Variants in DCT observed in about 807,000 individuals in gnomAD.
DCT encodes the protein dopachrome tautomerase, also known as L-dopachrome tautomerase.
A neutral mutation model predicts 53.0 loss-of-function variants in DCT; 47 were observed. That is an observed-to-expected ratio of 0.89 (90% CI 0.70 to 1.13). DCT has a LOEUF of 1.13. Among genes scored for constraint, DCT ranks in the 50% most tolerant of loss-of-function variants. The pLI is 0.00. For synonymous variants in DCT, 244 were observed against 237.0 expected (o/e 1.03, Z -0.27); for missense variants, 669 against 637.4 (o/e 1.05, Z -0.53).
At chr13:94,529,719 C>A in the DCT span, among the ~76,000 whole-genome samples, 1 of 152,136 alleles carries the variant, frequency 6.6e-6, no homozygotes, top group Non-Finnish European at 1.5e-5. Context: ...CCTAACATCA[C>A]AATTAAAAGA....
intron 6 of DCT, among the ~76,000 whole-genome samples, chr13:94,453,340 CA>C (rs959952841): frequency 6.6e-6 from 1 of 151,794 alleles, no homozygotes; most frequent in African/African-American, 2.4e-5. Context: ...AAGAAATAAA[CA>C]AAAAAATTGA....
At chr13:94,516,306 A>C in the DCT span, among the ~76,000 whole-genome samples, 1 of 152,280 alleles carries the variant, frequency 6.6e-6, no homozygotes, top group Admixed American at 6.5e-5. Context: ...GGAAAGATAC[A>C]AATCAGGTAG....
intron 6 of DCT, among the ~76,000 whole-genome samples, chr13:94,451,820 T>C (rs565659299): frequency 6.6e-6 from 1 of 152,306 alleles, no homozygotes; most frequent in Non-Finnish European, 1.5e-5. Flanking sequence ...ATTATTAGGT[T>C]TTCCAGGAAA....
chr13:94,481,274 A>G (rs1463665650), upstream of DCT, among the ~76,000 whole-genome samples: 1 of 152,244 alleles, frequency 6.6e-6, no homozygotes, highest in Non-Finnish European at 1.5e-5. Context: ...ACAAAGTCAC[A>G]TTCACAGGTT....
intron 6 of DCT, among the ~76,000 whole-genome samples, chr13:94,451,346 A>G (rs1402006982): frequency 6.6e-6 from 1 of 152,236 alleles, no homozygotes; most frequent in Non-Finnish European, 1.5e-5. Context: ...TATTAATATG[A>G]TCTAACGGGA....
chr13:94,496,279 T>C, the DCT span, among the ~76,000 whole-genome samples: 1 of 152,104 alleles, frequency 6.6e-6, no homozygotes, highest in African/African-American at 2.4e-5. Flanking sequence ...CTGCAACCTC[T>C]GCCTCCTGGG....
At chr13:94,490,349 AC>A in the DCT span, among the ~76,000 whole-genome samples, 704 of 152,028 alleles carry the variant, frequency 4.6e-3, 3 homozygotes, top group Non-Finnish European at 7.4e-3. Context: ...TACTAAAAAT[AC>A]AAAAATTAGC....
In DCT at chr13:94,438,437, T is replaced by C. The variant is rs138914187; in HGVS notation, c.*1461A>G. ...TCCATTTCTCTGGCTTTAGCAGTCCTTTTGCATGGGGTAAACTGGTTCTTG... is the reference window on the plus strand; with the variant it reads ...TCCATTTCTCTGGCTTTAGCAGTCCCTTTGCATGGGGTAAACTGGTTCTTG... On this transcript the variant is annotated 3_prime_UTR_variant, in exon 8 of 8. Coordinates refer to ENST00000377028, the MANE Select transcript of DCT (RefSeq NM_001922.5). The C allele has an allele frequency of 6.7e-4, 198 of 297,692 alleles. 1 individual carries two copies. The highest frequency in any genetic ancestry group is 4.1e-3 in the African/African-American group (187 of 45,240). The allele number at this position is 297,692 out of a possible 1,614,324, so 18.4% of individuals were successfully genotyped here. A position where few individuals can be genotyped will look rare whatever the true frequency, so the allele number is the denominator to read the frequency against.
chr13:94,518,435 T>C, the DCT span, among the ~76,000 whole-genome samples: 53,594 of 152,010 alleles, frequency 0.35, 9,879 homozygotes, highest in East Asian at 0.61. Flanking sequence ...CTCTCCAAAC[T>C]TACATCTACA....
chr13:94,437,898 T>G lies in DCT; in HGVS notation c.*2000A>C, dbSNP rs1305127510. On this transcript the variant is annotated 3_prime_UTR_variant, in exon 8 of 8. Transcript: ENST00000377028. ...CACTACAGATAAAAGCAGCTAAGTA[T>G]AATCGATTACTATTTTTTCCTACCT... is the stretch of plus-strand genomic sequence containing the variant. 1 of 152,134 alleles carries G rather than the reference T, an allele frequency of 6.6e-6. No homozygotes were observed. The highest frequency in any genetic ancestry group is 1.5e-5 in the Non-Finnish European group (1 of 68,012). 9.4% of individuals were successfully genotyped at this position (152,134 alleles called of 1,614,324 possible).
intron 1 of DCT, 32 bp downstream of exon 1, chr13:94,478,929 C>A: frequency 6.4e-7 from 1 of 1,568,072 alleles, no homozygotes; most frequent in South Asian, 1.2e-5. Context: ...CAGCTCTGGC[C>A]CTCCCCACCA....
the DCT span, among the ~76,000 whole-genome samples, chr13:94,541,705 A>G: frequency 2.6e-5 from 4 of 152,208 alleles, no homozygotes; most frequent in Non-Finnish European, 1.5e-5. Flanking sequence ...AAAAGAAATG[A>G]TACATGTTTG....
chr13:94,474,930 T>G (rs1409185409), intron 1 of DCT, among the ~76,000 whole-genome samples: 1 of 152,176 alleles, frequency 6.6e-6, no homozygotes, highest in Non-Finnish European at 1.5e-5. Flanking sequence ...TTTGGGGTCA[T>G]CAATAGTCTG....
At chr13:94,515,862 T>C in the DCT span, among the ~76,000 whole-genome samples, 2 of 152,082 alleles carry the variant, frequency 1.3e-5, no homozygotes, top group African/African-American at 2.4e-5. Context: ...AGGAAGGTGT[T>C]TGATACACAC....
chr13:94,516,070 G>T, the DCT span, among the ~76,000 whole-genome samples: 1 of 93,806 alleles, frequency 1.1e-5, no homozygotes, highest in African/African-American at 4.3e-5. Context: ...AACTTTAGGA[G>T]CTCCTCACCT....
At chr13:94,481,793 C>T (rs1408300119), upstream of DCT, among the ~76,000 whole-genome samples, 1 of 152,170 alleles carries the variant, frequency 6.6e-6, no homozygotes, top group African/African-American at 2.4e-5. Context: ...AACTTTTGCT[C>T]TCTCCTCCCA....
At chr13:94,497,803 C>A in the DCT span, among the ~76,000 whole-genome samples, 1 of 151,876 alleles carries the variant, frequency 6.6e-6, no homozygotes, top group African/African-American at 2.4e-5. Flanking sequence ...CTCCATGTAA[C>A]TTTTATCAAA....
At chr13:94,444,847 T>G (rs142124459) in intron 6 of DCT, among the ~76,000 whole-genome samples, 1 of 152,386 alleles carries the variant, frequency 6.6e-6, no homozygotes, top group African/African-American at 2.4e-5. Flanking sequence ...TTGTTATTTA[T>G]GTATCTATGT....
At chr13:94,487,962 A>T in the DCT span, among the ~76,000 whole-genome samples, 1 of 149,120 alleles carries the variant, frequency 6.7e-6, no homozygotes, top group Non-Finnish European at 1.5e-5. Flanking sequence ...AGTTGAGTGC[A>T]TTTTTTTCAT....
Sources: allele counts gnomAD v4.1 joint callset (sites outside exome capture counted in the v4.1 genomes callset), GRCh38; gene constraint gnomAD v4.1.1; transcripts MANE v1.5; gene names NCBI Gene and HGNC (gene_info 2026-07-23, HGNC 2026-07-21).